The following WDFY4 variants were observed in gnomAD, a reference collection of about 807,000 sequenced individuals.
WDFY4 encodes WD repeat- and FYVE domain-containing protein 4.
Under a neutral mutation model 351.9 loss-of-function variants are expected in WDFY4, and 169 were observed. The observed-to-expected ratio is 0.48, with a 90% CI of 0.42 to 0.55. The LOEUF is 0.55. Among genes scored for constraint, WDFY4 ranks in the 20% least tolerant of loss-of-function variants. The pLI is 0.00. For synonymous variants in WDFY4, 1,622 were observed against 1,574.6 expected (o/e 1.03, Z -0.71); for missense variants, 3,803 against 3,935.6 (o/e 0.97, Z 0.90).
chr10:48,827,565 A>T (rs922426249), intron 36 of WDFY4, among the ~76,000 whole-genome samples: 3 of 149,084 alleles, frequency 2.0e-5, no homozygotes, highest in African/African-American at 7.4e-5. Flanking sequence ...ATTCTCCAGC[A>T]TCTCAGCATC....
chr10:48,775,751 C>T lies in WDFY4; in HGVS notation c.2808C>T (p.Ala936=). ...TTGGAATTCCCTCATCTCTGTCGGC[C>T]ACAACAAAAATCCTTGATTCATCTC... is the stretch of plus-strand genomic sequence containing the variant. ...LGLGIPSSLS[A]TTKILDSSHT... Residue 936 remains alanine, a synonymous_variant, in exon 15 of 62, where the codon GCC becomes GCT. Coordinates refer to ENST00000325239, the MANE Select transcript of WDFY4 (RefSeq NM_001394531.1). The T allele has an allele frequency of 6.4e-7, 1 of 1,551,680 alleles. No individual in the cohort carries two copies. The highest frequency in any genetic ancestry group is 8.7e-7 in the Non-Finnish European group (1 of 1,146,992).
intron 21 of WDFY4, among the ~76,000 whole-genome samples, chr10:48,789,014 TGA>T (rs1244840111): frequency 1.3e-5 from 2 of 151,398 alleles, no homozygotes. Context: ...AGATATTCTT[TGA>T]GTTGTTGTGA....
At chr10:48,795,851 G>C (rs566863761) in intron 23 of WDFY4, among the ~76,000 whole-genome samples, 1 of 152,220 alleles carries the variant, frequency 6.6e-6, no homozygotes, top group Middle Eastern at 3.4e-3. Context: ...GGACCCAAGT[G>C]CCTCCATGCT....
intron 53 of WDFY4, 134 bp from the exon 54 acceptor site, chr10:48,963,708 A>G (rs1841959794): frequency 9.8e-7 from 1 of 1,018,414 alleles, no homozygotes. Flanking sequence ...GTGCTCATCA[A>G]GCCCAGGGGC....
chr10:48,891,553 C>T (rs11101551), intron 44 of WDFY4, among the ~76,000 whole-genome samples: 1,979 of 152,324 alleles, frequency 0.013, 35 homozygotes, highest in African/African-American at 0.045. Context: ...TTGCCTTTTC[C>T]AGTTGACCCA....
At chr10:48,778,066 G>A (rs1368774645) in intron 17 of WDFY4, among the ~76,000 whole-genome samples, 4 of 152,228 alleles carry the variant, frequency 2.6e-5, no homozygotes, top group South Asian at 4.1e-4. Flanking sequence ...CTGAAAACAC[G>A]CTGGGTGGGA....
intron 38 of WDFY4, among the ~76,000 whole-genome samples, 175 bp downstream of exon 38, chr10:48,831,060 A>G (rs1451461977): frequency 1.3e-5 from 2 of 152,176 alleles, no homozygotes; most frequent in Non-Finnish European, 2.9e-5. Flanking sequence ...CAAATAATGA[A>G]TATCACATGG....
At chr10:48,941,893 A>G in intron 48 of WDFY4, 45 bp downstream of exon 48, 1 of 1,543,378 alleles carries the variant, frequency 6.5e-7, no homozygotes, top group African/African-American at 1.4e-5. Context: ...AATGCAAACC[A>G]GAGAATGGCT....
intron 2 of WDFY4, among the ~76,000 whole-genome samples, chr10:48,714,792 A>G (rs1159464797): frequency 6.6e-6 from 1 of 152,264 alleles, no homozygotes; most frequent in African/African-American, 2.4e-5. Context: ...AGTGTCTGAG[A>G]TAGACAACTT....
intron 61 of WDFY4, among the ~76,000 whole-genome samples, chr10:48,982,276 G>A (rs1842841921): frequency 6.6e-6 from 1 of 152,188 alleles, no homozygotes; most frequent in African/African-American, 2.4e-5. Context: ...TGGGGCCTGA[G>A]CTTCCCCACA....
chr10:48,711,706 A>G (rs900950487), intron 2 of WDFY4, among the ~76,000 whole-genome samples: 2 of 152,244 alleles, frequency 1.3e-5, no homozygotes, highest in African/African-American at 4.8e-5. Flanking sequence ...TAAAGAAGAC[A>G]GAGGTGACAC....
chr10:48,943,478 G>A, intron 49 of WDFY4, 29 bp downstream of exon 49: 1 of 1,546,510 alleles, frequency 6.5e-7, no homozygotes, highest in Non-Finnish European at 8.7e-7. Context: ...AACCACAGCT[G>A]CCCTCAGGTG....
chr10:48,761,759 A>G (rs1465566648), intron 13 of WDFY4, among the ~76,000 whole-genome samples: 5 of 152,194 alleles, frequency 3.3e-5, no homozygotes, highest in Admixed American at 3.3e-4. Context: ...AGGCCTGGGA[A>G]ATGCACCAGT....
At chr10:48,924,418 G>C (rs1255515053) in intron 47 of WDFY4, among the ~76,000 whole-genome samples, 1 of 152,226 alleles carries the variant, frequency 6.6e-6, no homozygotes, top group Non-Finnish European at 1.5e-5. Flanking sequence ...TGAAATGTAA[G>C]AGTGGGATCA....
At position 48,799,769 on chromosome 10, in the gene WDFY4, G is replaced by A. The variant is rs1033797174; in HGVS notation, c.4410+3319G>A. ...GCCTGGGCGACAAGAGCGAGACTTCGTCTCAAACAAACAAACAAAGAATTA... is the reference window on the plus strand; with the variant it reads ...GCCTGGGCGACAAGAGCGAGACTTCATCTCAAACAAACAAACAAAGAATTA... On this transcript the variant is annotated intron_variant, in intron 24 of 61. Coordinates refer to ENST00000325239, the MANE Select transcript of WDFY4 (RefSeq NM_001394531.1). Among the ~76,000 whole-genome samples the A allele has an allele frequency of 5.6e-4, 85 of 152,206 alleles. 2 individuals carry two copies. The highest frequency in any genetic ancestry group is 2.1e-4 in the South Asian group (1 of 4,834).
intron 1 of WDFY4, among the ~76,000 whole-genome samples, chr10:48,689,994 T>C (rs769790703): frequency 6.6e-6 from 1 of 152,220 alleles, no homozygotes; most frequent in Non-Finnish European, 1.5e-5. Flanking sequence ...GCCTGTGCAC[T>C]TGCATTAGAC....
chr10:48,756,396 T>C (rs1318364886), intron 12 of WDFY4, among the ~76,000 whole-genome samples: 1 of 88,792 alleles, frequency 1.1e-5, no homozygotes, highest in Non-Finnish European at 3.1e-5. Context: ...TTATTAGTTC[T>C]AGAAGTTTTT....
Position 48,776,760 on chromosome 10 carries a change from T to G in WDFY4, c.2874T>G (p.Thr958=), listed in dbSNP as rs2066044873. The G allele has an allele frequency of 1.3e-6, 2 of 1,545,290 alleles. No homozygotes were observed. The highest frequency in any genetic ancestry group is 1.7e-6 in the Non-Finnish European group (2 of 1,143,940). ...TGCTTGCTGCCCTAGGGTCACAGAC[T>G]GCACAGGGCTTGGCTGAGGGGCCCT... ...RGNPGCSGSQ[T]AQGLAEGPWP... Residue 958 remains threonine (T), a synonymous_variant, in exon 16 of 62, where the codon ACT becomes ACG. Coordinates refer to ENST00000325239, the MANE Select transcript of WDFY4 (RefSeq NM_001394531.1).
At chr10:48,936,535 T>C (rs1362283607) in intron 47 of WDFY4, among the ~76,000 whole-genome samples, 1 of 152,054 alleles carries the variant, frequency 6.6e-6, no homozygotes, top group Non-Finnish European at 1.5e-5. Flanking sequence ...TGTAAAACCG[T>C]ATGAAAATTA....
Sources: gnomAD v4.1 joint callset for allele counts (sites outside exome capture counted in the v4.1 genomes callset) on GRCh38, gnomAD v4.1.1 for gene constraint, MANE v1.5 for transcripts, NCBI Gene and HGNC (gene_info 2026-07-23, HGNC 2026-07-21) for gene names.